Variants in ELL2 observed in about 807,000 individuals in gnomAD.
ELL2 encodes elongation factor for RNA polymerase II 2, also known as RNA polymerase II elongation factor ELL2.
A neutral mutation model predicts 72.8 loss-of-function variants in ELL2; 21 were observed. The ratio of observed to expected loss-of-function variants is 0.29; its 90% confidence interval spans 0.20 to 0.42. ELL2 has a LOEUF of 0.42. Ranked by LOEUF, ELL2 falls within the 10% of genes least tolerant of loss-of-function variation. The pLI, the probability that ELL2 is intolerant of heterozygous loss-of-function variation, is 1.00. For synonymous variants in ELL2, 266 were observed against 283.2 expected, an observed-to-expected ratio of 0.94 and a Z score of 0.61; for missense variants, 568 against 772.8, an observed-to-expected ratio of 0.73 and a Z score of 3.14.
intron 1 of ELL2, among the ~76,000 whole-genome samples, chr5:95,957,961 T>C (rs1358958137): frequency 6.6e-6 from 1 of 152,186 alleles, no homozygotes; most frequent in African/African-American, 2.4e-5. Flanking sequence ...GTAACTCCAA[T>C]AGACAAAATA....
chr5:95,889,175 G>T (rs769462915), intron 10 of ELL2, 45 bp from the exon 11 acceptor site: 4 of 1,445,916 alleles, frequency 2.8e-6, no homozygotes, highest in Non-Finnish European at 3.8e-6. Context: ...AACTTCTTTT[G>T]TGTGTGGCAA....
At chr5:95,950,661 T>C (rs1404429585) in intron 1 of ELL2, among the ~76,000 whole-genome samples, 1 of 151,864 alleles carries the variant, frequency 6.6e-6, no homozygotes, top group Non-Finnish European at 1.5e-5. Flanking sequence ...TGTGAGTCAA[T>C]GTAACCTTAG....
At chr5:95,899,923 T>C (rs1057964) in intron 7 of ELL2, among the ~76,000 whole-genome samples, 56,745 of 151,844 alleles carry the variant, frequency 0.37, 11,951 homozygotes, top group African/African-American at 0.58. Flanking sequence ...TGCGAATGGC[T>C]GTTTGCCCAG....
rs751252595 is a variant in ELL2 at position 95,961,707 on chromosome 5, C to A, written c.15G>T (p.Gly5=). The stretch of plus-strand genomic sequence containing the variant: ...GCTGCTCCTCCCGCAGGCCCCCTGT[C>A]CCCCCCGCCGCCATCTTAAACTCCC... MAAG[G]TGGLREEQRY... The change falls in exon 1 of 12, where the codon GGG becomes GGT. Residue 5 remains glycine, a synonymous_variant. Coordinates refer to ENST00000237853, the MANE Select transcript of ELL2 (RefSeq NM_012081.6). The A allele has an allele frequency of 6.2e-7, 1 of 1,602,530 alleles. No individual in the cohort carries two copies. The highest frequency in any genetic ancestry group is 2.3e-5 in the East Asian group (1 of 43,978).
At chr5:95,954,998 A>C (rs1395677500) in intron 1 of ELL2, among the ~76,000 whole-genome samples, 1 of 152,100 alleles carries the variant, frequency 6.6e-6, no homozygotes, top group Non-Finnish European at 1.5e-5. Flanking sequence ...GCTCTGACCT[A>C]CTTTTTCTCT....
chr5:95,917,144 T>C (rs1749843483), intron 3 of ELL2, among the ~76,000 whole-genome samples: 1 of 152,216 alleles, frequency 6.6e-6, no homozygotes, highest in Non-Finnish European at 1.5e-5. Context: ...TTCGCTTAAG[T>C]GTGCATTATT....
chr5:95,907,321 A>G (rs1424383412), intron 4 of ELL2, among the ~76,000 whole-genome samples: 1 of 85,206 alleles, frequency 1.2e-5, no homozygotes, highest in Admixed American at 1.1e-4. Context: ...AGGCCAAGAC[A>G]AATTTTAGGA....
chr5:95,893,588 T>C (rs992553286), intron 9 of ELL2, among the ~76,000 whole-genome samples: 22 of 152,148 alleles, frequency 1.4e-4, no homozygotes, highest in Non-Finnish European at 2.8e-4. Flanking sequence ...GGTTTCACCA[T>C]GTTAGCCAGG....
chr5:95,942,377 C>G (rs1296178624), intron 2 of ELL2, among the ~76,000 whole-genome samples: 1 of 152,000 alleles, frequency 6.6e-6, no homozygotes, highest in Non-Finnish European at 1.5e-5. Flanking sequence ...TATTTTATTA[C>G]TATGAAATAT....
intron 4 of ELL2, among the ~76,000 whole-genome samples, chr5:95,907,296 A>ATATATATATATATATATTTTTTTTTTTT: frequency 4.3e-5 from 5 of 116,516 alleles, no homozygotes; most frequent in African/African-American, 2.0e-4. Flanking sequence ...ATATATATAT[A>ATATATATATATATATATTTTTTTTTTTT]TTTTTTTTTT....
At chr5:95,948,452 A>AAAAAAAAAAAAC (rs1169258412) in intron 1 of ELL2, among the ~76,000 whole-genome samples, 1 of 150,358 alleles carries the variant, frequency 6.7e-6, no homozygotes, top group Non-Finnish European at 1.5e-5. Flanking sequence ...AAAAAAAAAA[A>AAAAAAAAAAAAC]AGCCACAGGA....
chr5:95,949,031 C>G (rs772203987), intron 1 of ELL2, among the ~76,000 whole-genome samples: 1 of 152,162 alleles, frequency 6.6e-6, no homozygotes, highest in Non-Finnish European at 1.5e-5. Flanking sequence ...CTAAAATGCT[C>G]TTAAGTTTGG....
At chr5:95,956,260 C>A (rs1481530860) in intron 1 of ELL2, among the ~76,000 whole-genome samples, 1 of 152,196 alleles carries the variant, frequency 6.6e-6, no homozygotes, top group Non-Finnish European at 1.5e-5. Flanking sequence ...GAGGAACACC[C>A]TCCGTTGCAT....
intron 5 of ELL2, among the ~76,000 whole-genome samples, chr5:95,901,681 A>G (rs1164576051): frequency 6.6e-6 from 1 of 152,220 alleles, no homozygotes; most frequent in Non-Finnish European, 1.5e-5. Context: ...TGATATTACA[A>G]CAGTCGATTT....
At chr5:95,908,443 G>C (rs1266361949) in intron 4 of ELL2, among the ~76,000 whole-genome samples, 1 of 152,192 alleles carries the variant, frequency 6.6e-6, no homozygotes, top group African/African-American at 2.4e-5. Flanking sequence ...ATGAACAAAT[G>C]CCTAATGTTT....
rs1187881368 is a variant in ELL2, at chr5:95,948,429, C to CAAAAAAAAAAAAAAAAA, written c.148-5397_148-5381dup. ...TGGGCAACAGAGCGAGACTCCGCCT[C>CAAAAAAAAAAAAAAAAA]AAAAAAAAAAAAAAAAAAAAAAAAG... On this transcript the variant is annotated intron_variant, in intron 1 of 11. Coordinates refer to ENST00000237853, the MANE Select transcript of ELL2 (RefSeq NM_012081.6). 1.7e-4 allele frequency among the ~76,000 whole-genome samples: 6 copies of CAAAAAAAAAAAAAAAAA among 35,228 alleles called. 2 individuals are homozygous for CAAAAAAAAAAAAAAAAA. The highest frequency in any genetic ancestry group is 7.3e-4 in the African/African-American group (6 of 8,268). The allele number at this position is 35,228 out of a possible 152,430, so 23.1% of individuals were successfully genotyped here.
At chr5:95,921,336 G>A (rs571813602) in intron 2 of ELL2, among the ~76,000 whole-genome samples, 93 of 152,292 alleles carry the variant, frequency 6.1e-4, no homozygotes, top group Admixed American at 9.8e-4. Flanking sequence ...ATACTCCATA[G>A]AGCCTCCATC....
At chr5:95,940,572 CTTAG>C (rs537438458) in intron 2 of ELL2, among the ~76,000 whole-genome samples, 79 of 152,184 alleles carry the variant, frequency 5.2e-4, no homozygotes, top group Non-Finnish European at 9.4e-4. Context: ...TTTAACAATG[CTTAG>C]TTATACGTCA....
intron 4 of ELL2, among the ~76,000 whole-genome samples, chr5:95,908,672 T>G (rs1029541046): frequency 6.6e-6 from 1 of 152,160 alleles, no homozygotes; most frequent in African/African-American, 2.4e-5. Flanking sequence ...GGGAAACCAT[T>G]TAATCCACCA....
Sources: gnomAD v4.1 joint callset for allele counts (sites outside exome capture counted in the v4.1 genomes callset) on GRCh38, gnomAD v4.1.1 for gene constraint, MANE v1.5 for transcripts, NCBI Gene and HGNC (gene_info 2026-07-23, HGNC 2026-07-21) for gene names.